WDR49: variants seen among roughly 807,000 people sequenced by gnomAD.
WDR49 encodes the protein cilia- and flagella-associated protein 337.
In WDR49, 107 loss-of-function variants were observed where a neutral mutation model predicts 119.5. The observed-to-expected ratio is 0.90, with a 90% CI of 0.77 to 1.05. WDR49 has a LOEUF of 1.05. Among genes scored for constraint, WDR49 ranks in the 50% least tolerant of loss-of-function variants. The pLI, the probability that WDR49 is intolerant of heterozygous loss-of-function variation, is 0.00. For missense variants in WDR49, 1,240 were observed against 1,220.5 expected, an observed-to-expected ratio of 1.02 and a Z score of -0.24; for synonymous variants, 425 against 418.8, an observed-to-expected ratio of 1.01 and a Z score of -0.18.
chr3:167,656,716 CT>C (rs1718613949), upstream of WDR49, among the ~76,000 whole-genome samples: 2 of 152,166 alleles, frequency 1.3e-5, no homozygotes, highest in Admixed American at 1.3e-4. Context: ...CTCTAACCTT[CT>C]CTGTAACTGT....
At chr3:167,636,227 T>C (rs532040951) in intron 2 of WDR49, among the ~76,000 whole-genome samples, 28 of 151,110 alleles carry the variant, frequency 1.9e-4, no homozygotes, top group African/African-American at 6.5e-4. Context: ...TGGTTTTCTA[T>C]TCCTGAGTTA....
intron 5 of WDR49, among the ~76,000 whole-genome samples, chr3:167,614,156 C>A (rs1193083088): frequency 6.6e-6 from 1 of 152,076 alleles, no homozygotes; most frequent in Non-Finnish European, 1.5e-5. Context: ...GTGCTATGGG[C>A]AATGGCGCAA....
Position 167,609,126 on chromosome 3 carries a change from C to T in WDR49, c.959-4658G>A, listed in dbSNP as rs531919394. ...ATAACATTTGCCAACTGATAGACATCGTGGCAGGGTAGGAAAGAAGTCTCC... is the reference window on the plus strand; with the variant it reads ...ATAACATTTGCCAACTGATAGACATTGTGGCAGGGTAGGAAAGAAGTCTCC... On this transcript the variant is annotated intron_variant, in intron 5 of 18. Transcript: ENST00000682715. Among the ~76,000 whole-genome samples the T allele has an allele frequency of 3.9e-5, 6 of 152,248 alleles. No individual in the cohort carries two copies. In the East Asian group the frequency reaches 9.6e-4, roughly 24 times the overall value.
At chr3:167,549,854 T>G (rs1260095291) in intron 10 of WDR49, among the ~76,000 whole-genome samples, 2 of 152,200 alleles carry the variant, frequency 1.3e-5, no homozygotes, top group Non-Finnish European at 2.9e-5. Context: ...TTAATCCATC[T>G]TGAATTAATT....
chr3:167,614,811 A>G (rs1716517664), intron 5 of WDR49, among the ~76,000 whole-genome samples: 1 of 152,176 alleles, frequency 6.6e-6, no homozygotes, highest in Non-Finnish European at 1.5e-5. Flanking sequence ...TTCCCTCCTC[A>G]CACTGAGACG....
chr3:167,635,238 G>A (rs1433985834), intron 2 of WDR49, among the ~76,000 whole-genome samples: 2 of 151,652 alleles, frequency 1.3e-5, no homozygotes, highest in Non-Finnish European at 3.0e-5. Context: ...CCTGAAAATT[G>A]TTTTTATATA....
chr3:167,518,569 T>C (rs1310121582), intron 16 of WDR49, among the ~76,000 whole-genome samples: 21 of 151,768 alleles, frequency 1.4e-4, no homozygotes, highest in Non-Finnish European at 2.7e-4. Context: ...TTGCCCACTT[T>C]TTGATGGGGT....
chr3:167,603,031 C>G (rs1577269507), intron 6 of WDR49, among the ~76,000 whole-genome samples: 2 of 152,086 alleles, frequency 1.3e-5, no homozygotes, highest in East Asian at 3.9e-4. Flanking sequence ...CCTAATGATG[C>G]CTTTCTATCC....
At chr3:167,552,017 T>C (rs1712602961) in intron 10 of WDR49, among the ~76,000 whole-genome samples, 1 of 151,598 alleles carries the variant, frequency 6.6e-6, no homozygotes, top group African/African-American at 2.4e-5. Flanking sequence ...AATGAAAAAA[T>C]TTTGAGAGGG....
At chr3:167,549,387 A>G (rs1712408551) in intron 10 of WDR49, among the ~76,000 whole-genome samples, 1 of 152,094 alleles carries the variant, frequency 6.6e-6, no homozygotes, top group Non-Finnish European at 1.5e-5. Flanking sequence ...TAGCCATTCT[A>G]ACTGGTGTGA....
chr3:167,589,102 T>G (rs570387712), intron 7 of WDR49, among the ~76,000 whole-genome samples: 1 of 152,276 alleles, frequency 6.6e-6, no homozygotes, highest in African/African-American at 2.4e-5. Context: ...TCAATTTGGA[T>G]TTAATTTTTG....
Position 167,511,022 on chromosome 3 carries a change from G to A in WDR49, c.2775-5606C>T, listed in dbSNP as rs371925330. ...GACTAGGTAAAGGGGCACATTCTTC[G>A]GAAGAATATTTCTTAAAAATAAAAT... On this transcript the variant is annotated intron_variant, in intron 16 of 18. Transcript: ENST00000682715. 1.7e-4 allele frequency among the ~76,000 whole-genome samples: 26 copies of A among 151,768 alleles called. 1 individual carries two copies. Among genetic ancestry groups the A allele is most frequent in the East Asian group, 5.8e-4 (3 of 5,178 alleles).
At chr3:167,597,508 G>C (rs1003949166) in intron 7 of WDR49, among the ~76,000 whole-genome samples, 1 of 152,158 alleles carries the variant, frequency 6.6e-6, no homozygotes, top group East Asian at 1.9e-4. Flanking sequence ...GCTGTGAGAA[G>C]AGGGCCACCA....
chr3:167,578,710 T>G (rs954544920), intron 7 of WDR49, among the ~76,000 whole-genome samples: 4 of 152,156 alleles, frequency 2.6e-5, no homozygotes, highest in African/African-American at 9.7e-5. Flanking sequence ...GGAGCCAATA[T>G]TTCCAGTGTG....
chr3:167,515,214 T>C (rs965800601), intron 16 of WDR49, among the ~76,000 whole-genome samples: 2 of 152,172 alleles, frequency 1.3e-5, no homozygotes, highest in African/African-American at 4.8e-5. Flanking sequence ...ATATCCCTGA[T>C]GAACATTGAT....
chr3:167,592,374 T>G (rs76139673), intron 7 of WDR49, among the ~76,000 whole-genome samples: 1 of 152,118 alleles, frequency 6.6e-6, no homozygotes, highest in Non-Finnish European at 1.5e-5. Flanking sequence ...TATTCTGTGG[T>G]TTTTTTGTGT....
intron 7 of WDR49, among the ~76,000 whole-genome samples, chr3:167,579,004 GT>G (rs1051521129): frequency 6.6e-6 from 1 of 152,064 alleles, no homozygotes; most frequent in Non-Finnish European, 1.5e-5. Context: ...TAGTATGTGA[GT>G]TTTTACAAGA....
At chr3:167,545,443 C>T (rs1427164499) in intron 10 of WDR49, among the ~76,000 whole-genome samples, 3 of 147,222 alleles carry the variant, frequency 2.0e-5, no homozygotes, top group African/African-American at 7.5e-5. Flanking sequence ...ATGGAACCAG[C>T]CCAAATGCCC....
chr3:167,504,388 T>C (rs1203108276), intron 17 of WDR49, among the ~76,000 whole-genome samples: 1 of 152,186 alleles, frequency 6.6e-6, no homozygotes, highest in Non-Finnish European at 1.5e-5. Context: ...GGAGATTATT[T>C]TGGAGCTTTA....
Sources: allele counts gnomAD v4.1 joint callset (sites outside exome capture counted in the v4.1 genomes callset), GRCh38; gene constraint gnomAD v4.1.1; transcripts MANE v1.5; gene names NCBI Gene and HGNC (gene_info 2026-07-23, HGNC 2026-07-21).